The following CPLX2 variants were observed in gnomAD, a reference collection of about 807,000 sequenced individuals.
CPLX2 encodes complexin 2.
CPLX2 carries 5 observed loss-of-function variants against 16.3 expected under a neutral mutation model. The observed-to-expected ratio is 0.31, with a 90% confidence interval of 0.16 to 0.64. The LOEUF is 0.64. Ranked by LOEUF, CPLX2 falls within the 30% of genes least tolerant of loss-of-function variation. CPLX2 has a pLI of 0.79. For synonymous variants in CPLX2, 89 were observed against 73.2 expected, an observed-to-expected ratio of 1.22 and a Z score of -1.10; for missense variants, 144 against 181.4, an observed-to-expected ratio of 0.79 and a Z score of 1.18.
chr5:175,818,650 CTTTTTTTTTTTTT>C (rs70988300), intron 2 of CPLX2, among the ~76,000 whole-genome samples: 1 of 50,808 alleles, frequency 2.0e-5, no homozygotes, highest in Non-Finnish European at 3.5e-5. Flanking sequence ...CTGTCCCAAC[CTTTTTTTTTTTTT>C]TTTTTTTTTT....
At chr5:175,846,770 G>A (rs911819698) in intron 2 of CPLX2, among the ~76,000 whole-genome samples, 6 of 152,100 alleles carry the variant, frequency 3.9e-5, no homozygotes, top group Non-Finnish European at 8.8e-5. Context: ...CTGGACTTCT[G>A]TCTTCTCTGT....
chr5:175,873,600 C>T (rs1056256938), intron 1 of CPLX2, among the ~76,000 whole-genome samples: 18 of 152,148 alleles, frequency 1.2e-4, no homozygotes, highest in Non-Finnish European at 2.5e-4. Flanking sequence ...GGGGAAGATG[C>T]CCTCACATCT....
At chr5:175,835,923 G>C (rs1219322352) in intron 2 of CPLX2, among the ~76,000 whole-genome samples, 8 of 151,552 alleles carry the variant, frequency 5.3e-5, no homozygotes, top group African/African-American at 1.5e-4. Flanking sequence ...ATTTTTAGTA[G>C]AGATGGGGTT....
intron 3 of CPLX2, 67 bp downstream of exon 3, chr5:175,879,150 C>T (rs1181888877): frequency 6.8e-7 from 1 of 1,472,038 alleles, no homozygotes; most frequent in Non-Finnish European, 9.1e-7. Context: ...CAGCTAAAGC[C>T]CCTGCTGGGG....
chr5:175,850,881 G>C (rs1759137035), intron 2 of CPLX2, among the ~76,000 whole-genome samples: 1 of 152,072 alleles, frequency 6.6e-6, no homozygotes, highest in African/African-American at 2.4e-5. Flanking sequence ...GGCTGAGGCA[G>C]AGACACAACT....
chr5:175,880,354 T>G lies in CPLX2; in HGVS notation c.*309T>G. The stretch of plus-strand genomic sequence containing the variant: ...GTGACCCCCATACATTCCTCCCTGC[T>G]CCCCACTGCCAGGAGGACCACTGTC... On this transcript the variant is annotated 3_prime_UTR_variant, in exon 4 of 4. Transcript: ENST00000393745. The G allele has an allele frequency of 2.3e-6, 1 of 431,690 alleles. No homozygotes were observed. The highest frequency in any genetic ancestry group is 4.4e-6 in the Non-Finnish European group (1 of 229,466). The allele number at this position is 431,690 out of a possible 1,614,324, so 26.7% of individuals were successfully genotyped here.
Position 175,882,481 on chromosome 5 carries a change from A to T in CPLX2, c.*2436A>T. 1 of 152,838 alleles carries T rather than the reference A, an allele frequency of 6.5e-6. No individual in the cohort carries two copies. The highest frequency in any genetic ancestry group is 1.5e-5 in the Non-Finnish European group (1 of 68,230). The allele number at this position is 152,838 out of a possible 1,614,324, so 9.5% of individuals were successfully genotyped here. A position where few individuals can be genotyped will look rare whatever the true frequency, so the allele number is the denominator to read the frequency against. On this transcript the variant is annotated 3_prime_UTR_variant, in exon 4 of 4. Transcript: ENST00000393745. ...ACCAAGGCGCAGGGTGCTTCAGATG[A>T]GCAAGAGAACCCAGTCGAACCAGAT...
intron 2 of CPLX2, among the ~76,000 whole-genome samples, chr5:175,816,311 G>A (rs938620361): frequency 6.6e-6 from 1 of 152,178 alleles, no homozygotes; most frequent in Non-Finnish European, 1.5e-5. Context: ...GGGATTACAG[G>A]CCCGCATCAC....
intron 1 of CPLX2, among the ~76,000 whole-genome samples, chr5:175,804,823 AC>A (rs1758166986): frequency 6.6e-6 from 1 of 152,264 alleles, no homozygotes; most frequent in East Asian, 1.9e-4. Context: ...TGACTACCCA[AC>A]CCTGTTAGAT....
chr5:175,821,654 C>T (rs1049119534), intron 2 of CPLX2, among the ~76,000 whole-genome samples: 6 of 152,322 alleles, frequency 3.9e-5, no homozygotes, highest in African/African-American at 1.2e-4. Context: ...GTGATCTGCC[C>T]GCCTTGGCCT....
intron 2 of CPLX2, among the ~76,000 whole-genome samples, chr5:175,819,042 AG>A (rs1217527848): frequency 3.3e-5 from 5 of 152,204 alleles, no homozygotes; most frequent in African/African-American, 1.2e-4. Context: ...ACCCCTGCTC[AG>A]CGACGTTGGA....
chr5:175,860,550 AAG>A (rs1561786478), intron 2 of CPLX2, among the ~76,000 whole-genome samples: 46 of 118,458 alleles, frequency 3.9e-4, no homozygotes, highest in African/African-American at 1.4e-3. Context: ...GATAGATAGA[AAG>A]AAAGAAAGAA....
chr5:175,832,383 T>A (rs1270963549), intron 2 of CPLX2, among the ~76,000 whole-genome samples: 1 of 152,204 alleles, frequency 6.6e-6, no homozygotes, highest in East Asian at 1.9e-4. Flanking sequence ...CTGACTTACC[T>A]GAGGTTGCAC....
chr5:175,834,689 A>C (rs1758793518), intron 2 of CPLX2, among the ~76,000 whole-genome samples: 1 of 152,144 alleles, frequency 6.6e-6, no homozygotes, highest in Non-Finnish European at 1.5e-5. Context: ...CCTGGCTAAC[A>C]CGGTGAAACC....
At chr5:175,857,729 T>C (rs886660306) in intron 2 of CPLX2, among the ~76,000 whole-genome samples, 5 of 152,220 alleles carry the variant, frequency 3.3e-5, no homozygotes, top group Non-Finnish European at 7.3e-5. Context: ...AAATCATAAG[T>C]GGAACCATTG....
chr5:175,801,501 A>G (rs896015981), intron 1 of CPLX2, among the ~76,000 whole-genome samples: 8 of 152,182 alleles, frequency 5.3e-5, no homozygotes, highest in Admixed American at 2.0e-4. Context: ...AGCGTGTGGT[A>G]GCTGTGGAGG....
intron 2 of CPLX2, among the ~76,000 whole-genome samples, chr5:175,828,838 C>T (rs1758671017): frequency 6.6e-6 from 1 of 152,236 alleles, no homozygotes; most frequent in Non-Finnish European, 1.5e-5. Flanking sequence ...AACCAGCCCA[C>T]CAAACCCACA....
At chr5:175,808,877 C>T (rs59092768) in intron 1 of CPLX2, 15,009 of 152,184 alleles carry the variant, frequency 0.099, 1,247 homozygotes, top group East Asian at 0.28. Context: ...TGGTGGCCTC[C>T]GGAGAAGTGA....
At chr5:175,822,483 G>C (rs1359771906) in intron 2 of CPLX2, among the ~76,000 whole-genome samples, 4 of 152,218 alleles carry the variant, frequency 2.6e-5, no homozygotes, top group Admixed American at 6.5e-5. Flanking sequence ...CTGTAAATGA[G>C]AGTCTTTACC....
Sources: gnomAD v4.1 joint callset for allele counts (sites outside exome capture counted in the v4.1 genomes callset) on GRCh38, gnomAD v4.1.1 for gene constraint, MANE v1.5 for transcripts, NCBI Gene and HGNC (gene_info 2026-07-23, HGNC 2026-07-21) for gene names.